Variants in RAPGEF3 observed in about 807,000 individuals in gnomAD.
RAPGEF3 encodes the protein 9330170P05Rik.
In RAPGEF3, 103 loss-of-function variants were observed where a neutral mutation model predicts 129.8. The ratio of observed to expected loss-of-function variants is 0.79; its 90% CI spans 0.68 to 0.93. The LOEUF is 0.93. RAPGEF3 is among the 40% of genes least tolerant of loss of function. The pLI, the probability that RAPGEF3 is intolerant of heterozygous loss-of-function variation, is 0.00. For missense variants in RAPGEF3, 1,117 were observed against 1,207.4 expected, an observed-to-expected ratio of 0.93 and a Z score of 1.11; for synonymous variants, 436 against 482.6, an observed-to-expected ratio of 0.90 and a Z score of 1.26.
intron 7 of RAPGEF3, 145 bp downstream of exon 7, chr12:47,750,196 G>C: frequency 9.3e-7 from 1 of 1,073,702 alleles, no homozygotes; most frequent in Non-Finnish European, 1.4e-6. Flanking sequence ...ACAGGGCAGC[G>C]CCGGGGGCAA....
Position 47,744,036 on chromosome 12 carries a change from C to A in RAPGEF3, c.1629G>T (p.Gln543His). The change falls in exon 17 of 28, where the codon CAG becomes CAT. Residue 543 changes from glutamine to histidine, a missense_variant. Physicochemically the swap from Gln to His is conservative, Grantham distance 24. Coordinates refer to ENST00000449771, the MANE Select transcript of RAPGEF3 (RefSeq NM_001098531.4). ...AGCTGCTGCCAGGAAGGGGCTCGTC[C>A]TGGTTGGGGAGCCAAACAGGCAAGT... ...ARNLPVWLPN[Q>H]DEPLPGSSCA... The A allele has an allele frequency of 6.2e-7, 1 of 1,612,088 alleles. No individual in the cohort carries two copies. Among genetic ancestry groups the A allele is most frequent in the East Asian group, 2.2e-5 (1 of 44,876 alleles).
Position 47,757,941 on chromosome 12 carries a change from C to T in RAPGEF3, c.144G>A (p.Met48Ile), listed in dbSNP as rs755334594. ...GGTAGGAGCAGCTTCGGGGCCGGTG[C>T]ATCCTTCTCAACACCATGTTGAGTA... ...GTLLNMVLRR[M>I]HRPRSCSYQL... is the part of the protein sequence containing the mutation. Residue 48 changes from methionine to isoleucine, a missense_variant, in exon 2 of 28, where the codon ATG becomes ATA. Around this residue, in one of 3 missense-constraint regions of RAPGEF3, gnomAD observed 367 missense variants for 373.4 expected, o/e 0.98. Transcript: ENST00000449771. 6.4e-7 allele frequency: 1 copy of T among 1,558,036 alleles called. No homozygotes were observed. Among genetic ancestry groups the T allele is most frequent in the South Asian group, 1.2e-5 (1 of 84,586 alleles).
At chr12:47,748,051 T>TC (rs1388552958) in intron 13 of RAPGEF3, 23 bp downstream of exon 13, 4 of 1,562,084 alleles carry the variant, frequency 2.6e-6, no homozygotes, top group Middle Eastern at 1.7e-4. Context: ...ATGCACACCA[T>TC]CCCCCTGGAG....
intron 19 of RAPGEF3, 101 bp from the exon 20 acceptor site, chr12:47,741,141 A>T (rs1941139923): frequency 7.3e-7 from 1 of 1,362,118 alleles, no homozygotes; most frequent in African/African-American, 1.4e-5. Context: ...TCGTGTTAGG[A>T]GGAGGGTTAG....
chr12:47,751,761 G>A lies in RAPGEF3; in HGVS notation c.342C>T (p.Asn114=), dbSNP rs1023428432. 2.5e-5 allele frequency: 41 copies of A among 1,613,788 alleles called. No individual in the cohort carries two copies. Among genetic ancestry groups the A allele is most frequent in the Non-Finnish European group, 3.5e-5 (41 of 1,180,020 alleles). Residue 114 remains asparagine, a synonymous_variant, in exon 4 of 28, where the codon AAC becomes AAT. Transcript: ENST00000449771. Reference sequence around the variant, plus strand: ...GGTGGTACTTCCGGTCTCGGATGAGGTTTGGGCAGGTGGCCAGCAGATGCC... The same window carrying A: ...GGTGGTACTTCCGGTCTCGGATGAGATTTGGGCAGGTGGCCAGCAGATGCC... ...LHRHLLATCP[N]LIRDRKYHLR...
intron 4 of RAPGEF3, 77 bp from the exon 5 acceptor site, chr12:47,751,597 C>T (rs1941753814): frequency 1.9e-6 from 3 of 1,602,350 alleles, no homozygotes; most frequent in Non-Finnish European, 1.7e-6. Flanking sequence ...TAGAAAGGCA[C>T]CCTCTGAGGC....
Position 47,758,587 on chromosome 12 carries a change from G to T in RAPGEF3, c.-31C>A, listed in dbSNP as rs940535641. On this transcript the variant is annotated 5_prime_UTR_variant, in exon 1 of 28. Coordinates refer to ENST00000449771, the MANE Select transcript of RAPGEF3 (RefSeq NM_001098531.4). Reference sequence around the variant, plus strand: ...TTTTCAAGCTCGCACAGCCGTGCAGGCTCTAGCAAAAGGCTGGGGGGTCCC... The same window carrying T: ...TTTTCAAGCTCGCACAGCCGTGCAGTCTCTAGCAAAAGGCTGGGGGGTCCC... 1.2e-6 allele frequency: 2 copies of T among 1,613,524 alleles called. No homozygotes were observed. Among genetic ancestry groups the T allele is most frequent in the Admixed American group, 3.3e-5 (2 of 59,974 alleles).
intron 4 of RAPGEF3, 24 bp from the exon 5 acceptor site, chr12:47,751,544 G>C (rs771372617): frequency 6.2e-7 from 1 of 1,613,740 alleles, no homozygotes; most frequent in South Asian, 1.1e-5. Context: ...AAGGGGACAG[G>C]CCAGTGGAAG....
intron 24 of RAPGEF3, 99 bp downstream of exon 24, chr12:47,739,044 C>T: frequency 3.6e-6 from 4 of 1,107,366 alleles, no homozygotes; most frequent in Non-Finnish European, 5.3e-6. Flanking sequence ...GGTGCACACA[C>T]AGATAGGCAT....
rs11168215 is a variant in RAPGEF3 at position 47,735,995 on chromosome 12, A to C, written c.*1572T>G. 40,369 of 152,186 alleles carry C rather than the reference A, an allele frequency of 0.27. 5,471 individuals are homozygous for C. The highest frequency in any genetic ancestry group is 0.33 in the Middle Eastern group (98 of 294). 9.4% of individuals were successfully genotyped at this position (152,186 alleles called of 1,614,324 possible). On this transcript the variant is annotated 3_prime_UTR_variant, in exon 28 of 28. Coordinates refer to ENST00000449771, the MANE Select transcript of RAPGEF3 (RefSeq NM_001098531.4). ...ACCTCAGTCTCTCCCTCAGCCCTCA[A>C]CTGAGGCGAGGCTGCCCCCCTACCA...
At chr12:47,742,751 A>G (rs1028872497) in intron 18 of RAPGEF3, among the ~76,000 whole-genome samples, 1 of 152,216 alleles carries the variant, frequency 6.6e-6, no homozygotes, top group Non-Finnish European at 1.5e-5. Context: ...ATGCAGGCTC[A>G]GAGAGGTTAA....
Position 47,751,911 on chromosome 12 carries a change from T to TCTACCTGCTCCAGGCTC in RAPGEF3, c.261_273+4dup, listed in dbSNP as rs1393424687. On this transcript the variant is annotated splice_donor_region_variant and intron_variant, in intron 3 of 27. Transcript: ENST00000449771. ...GTCCCAGCTCCACCCTGCCCAGGCT[T>TCTACCTGCTCCAGGCTC]CTACCTGCTCCAGGCTCTCGCTGAA... is the stretch of plus-strand genomic sequence containing the variant. 1.2e-6 allele frequency: 2 copies of TCTACCTGCTCCAGGCTC among 1,614,082 alleles called. No homozygotes were observed. Among genetic ancestry groups the TCTACCTGCTCCAGGCTC allele is most frequent in the Admixed American group, 1.7e-5 (1 of 60,024 alleles).
At position 47,746,845 on chromosome 12, in the gene RAPGEF3, G is replaced by C. The variant is rs1156415682; in HGVS notation, c.1596+15C>G. 1.3e-6 allele frequency: 2 copies of C among 1,586,718 alleles called. No individual in the cohort carries two copies. On this transcript the variant is annotated intron_variant, in intron 16 of 27. Coordinates refer to ENST00000449771, the MANE Select transcript of RAPGEF3 (RefSeq NM_001098531.4). The stretch of plus-strand genomic sequence containing the variant: ...CAGGAGGAGCAGAGGAAAGAAACTG[G>C]GGCCAGGCAGACACCTTCATCTGAG...
Position 47,747,821 on chromosome 12 carries a change from C to G in RAPGEF3, c.1364G>C (p.Ser455Thr). The G allele has an allele frequency of 1.2e-6, 2 of 1,605,700 alleles. No homozygotes were observed. The highest frequency in any genetic ancestry group is 4.5e-5 in the East Asian group (2 of 44,882). The change falls in exon 14 of 28, where the codon AGC (serine) becomes ACC (threonine). Residue 455 changes from serine to threonine, a missense_variant. By Grantham distance (58) the Ser-to-Thr change is moderately conservative. Around this residue, in one of 3 missense-constraint regions of RAPGEF3, gnomAD observed 643 missense variants for 673.4 expected, o/e 0.95. Transcript: ENST00000449771. ...EPAGGSEQERSTYVCNKRQQI... is the reference protein window; with the variant it reads ...EPAGGSEQERTTYVCNKRQQI... ...CTGCCTCTTGTTGCAGACGTAGGTG[C>G]TGCGCTCCTGCTCGCTGCCACCCGC...
Position 47,748,109 on chromosome 12 carries a change from C to A in RAPGEF3, c.1287G>T (p.Met429Ile). The A allele has an allele frequency of 6.3e-7, 1 of 1,589,598 alleles. No individual in the cohort carries two copies. Among genetic ancestry groups the A allele is most frequent in the Non-Finnish European group, 8.6e-7 (1 of 1,167,736 alleles). The change falls in exon 13 of 28, where the codon ATG (methionine) becomes ATT (isoleucine). Residue 429 changes from methionine (M) to isoleucine (I), a missense_variant. By Grantham distance (10) the Met-to-Ile change is conservative (BLOSUM62 1). This residue lies in a region of RAPGEF3 where 643 missense variants were observed against 673.4 expected (regional missense o/e 0.95). Coordinates refer to ENST00000449771, the MANE Select transcript of RAPGEF3 (RefSeq NM_001098531.4). The stretch of plus-strand genomic sequence containing the variant: ...GGGCAGCGCAGAGTTGGGCGCTGGG[C>A]ATGAAGACCCTGTGGGTCAGGAGGA... ...SDFLLTHRVFMPSAQLCAALL... is the reference protein window; with the variant it reads ...SDFLLTHRVFIPSAQLCAALL...
At position 47,743,576 on chromosome 12, in the gene RAPGEF3, A is replaced by G. The variant is rs140273815; in HGVS notation, c.1779T>C (p.Asp593=). 2.5e-3 allele frequency: 4,044 copies of G among 1,614,150 alleles called. 7 individuals are homozygous for G. The highest frequency in any genetic ancestry group is 2.8e-3 in the Non-Finnish European group (3,277 of 1,179,992). ...CCAGCACCTGCCCCTTGGTCCAGCCATCCTCCTGGGCCAACGCTGCCATCA... is the reference window on the plus strand; with the variant it reads ...CCAGCACCTGCCCCTTGGTCCAGCCGTCCTCCTGGGCCAACGCTGCCATCA... The part of the protein sequence containing the change: ...REVMAALAQE[D]GWTKGQVLVK... The change falls in exon 18 of 28, where the codon GAT becomes GAC. Residue 593 remains aspartate, a synonymous_variant. Coordinates refer to ENST00000449771, the MANE Select transcript of RAPGEF3 (RefSeq NM_001098531.4).
intron 17 of RAPGEF3, 145 bp from the exon 18 acceptor site, chr12:47,743,821 G>C: frequency 7.3e-7 from 1 of 1,370,914 alleles, no homozygotes; most frequent in South Asian, 1.3e-5. Flanking sequence ...AAAGAGGCAG[G>C]TAGGAGGCAG....
chr12:47,738,969 C>T (rs1377420851), intron 24 of RAPGEF3, 174 bp downstream of exon 24: 7 of 697,246 alleles, frequency 1.0e-5, no homozygotes, highest in South Asian at 1.8e-5. Context: ...AGTCTAAGAA[C>T]TCCTAATTCA....
rs1941564903 is a variant in RAPGEF3, at chr12:47,748,491, C to G, written c.1206G>C (p.Glu402Asp). ...GAGCACTGGAATCTGGTCCCATGGCCTCCAACAGAAGCTCTAGGATCTTCT... is the reference window on the plus strand; with the variant it reads ...GAGCACTGGAATCTGGTCCCATGGCGTCCAACAGAAGCTCTAGGATCTTCT... ...TPEKILELLL[E>D]AMGPDSSAHD... The change falls in exon 12 of 28, where the codon GAG becomes GAC. Residue 402 changes from glutamate to aspartate, a missense_variant. Around this residue, in one of 3 missense-constraint regions of RAPGEF3, gnomAD observed 107 missense variants for 160.7 expected, o/e 0.67. Coordinates refer to ENST00000449771, the MANE Select transcript of RAPGEF3 (RefSeq NM_001098531.4). 6.2e-7 allele frequency: 1 copy of G among 1,613,938 alleles called. No homozygotes were observed. Among genetic ancestry groups the G allele is most frequent in the Non-Finnish European group, 8.5e-7 (1 of 1,179,956 alleles).
Sources: allele counts gnomAD v4.1 joint callset (sites outside exome capture counted in the v4.1 genomes callset), GRCh38; gene constraint gnomAD v4.1.1; regional missense constraint gnomAD v4.1.1; transcripts MANE v1.5; gene names NCBI Gene and HGNC (gene_info 2026-07-23, HGNC 2026-07-21).